NAALADL2: variants seen among roughly 807,000 people sequenced by gnomAD.
NAALADL2 encodes inactive N-acetylated-alpha-linked acidic dipeptidase-like protein 2.
A neutral mutation model predicts 87.2 loss-of-function variants in NAALADL2; 76 were observed. That is an observed-to-expected ratio of 0.87 (90% CI 0.72 to 1.05). NAALADL2 has a LOEUF of 1.05. Ranked by LOEUF, NAALADL2 falls within the 50% of genes least tolerant of loss-of-function variation. NAALADL2 has a pLI of 0.00. For missense variants in NAALADL2, 1,089 were observed against 945.8 expected, an observed-to-expected ratio of 1.15 and a Z score of -1.99; for synonymous variants, 354 against 331.0, an observed-to-expected ratio of 1.07 and a Z score of -0.75.
At chr3:174,967,978 T>C (rs759879335) in intron 1 of NAALADL2, among the ~76,000 whole-genome samples, 6 of 152,230 alleles carry the variant, frequency 3.9e-5, no homozygotes, top group Non-Finnish European at 7.3e-5. Context: ...CTTTTGTCTA[T>C]AGATAATTTT....
intron 4 of NAALADL2, among the ~76,000 whole-genome samples, chr3:175,274,047 T>C (rs2110032438): frequency 6.6e-6 from 1 of 152,306 alleles, no homozygotes; most frequent in East Asian, 1.9e-4. Flanking sequence ...ATTAATCTGT[T>C]CTCATACTGC....
chr3:175,056,043 C>T (rs1190582668), intron 1 of NAALADL2, among the ~76,000 whole-genome samples: 1 of 152,162 alleles, frequency 6.6e-6, no homozygotes, highest in Non-Finnish European at 1.5e-5. Context: ...TTGCTGAATT[C>T]CTGCCTGAAT....
chr3:175,549,710 T>C (rs747349841), intron 9 of NAALADL2, among the ~76,000 whole-genome samples: 7 of 152,014 alleles, frequency 4.6e-5, no homozygotes, highest in Non-Finnish European at 1.0e-4. Context: ...ATGTTTATTA[T>C]ATGTTAAATG....
chr3:174,792,708 G>C (rs1402125002), intron 3 of NAALADL2, among the ~76,000 whole-genome samples: 1 of 152,074 alleles, frequency 6.6e-6, no homozygotes, highest in Non-Finnish European at 1.5e-5. Context: ...ATTTGTTTGA[G>C]ATACATTCTT....
At chr3:174,952,579 A>G (rs1404778525) in intron 1 of NAALADL2, among the ~76,000 whole-genome samples, 1 of 152,090 alleles carries the variant, frequency 6.6e-6, no homozygotes, top group East Asian at 1.9e-4. Flanking sequence ...ACCTCAGTCT[A>G]TTGAGGAAGG....
intron 2 of NAALADL2, among the ~76,000 whole-genome samples, chr3:175,194,069 G>A (rs1416034278): frequency 1.3e-5 from 2 of 151,948 alleles, no homozygotes; most frequent in Admixed American, 1.3e-4. Flanking sequence ...AAACTGAAGT[G>A]CAGAATGTCA....
chr3:174,724,761 T>C (rs1426101717), intron 2 of NAALADL2, among the ~76,000 whole-genome samples: 1 of 152,214 alleles, frequency 6.6e-6, no homozygotes, highest in Non-Finnish European at 1.5e-5. Flanking sequence ...ATACTTCTGA[T>C]GGAATAGTAG....
chr3:175,353,492 G>T (rs891022331), intron 5 of NAALADL2, among the ~76,000 whole-genome samples: 2 of 152,128 alleles, frequency 1.3e-5, no homozygotes, highest in African/African-American at 4.8e-5. Flanking sequence ...ATTATGAATT[G>T]CTACTGCATT....
chr3:174,837,977 G>C (rs1723543926), intron 3 of NAALADL2, among the ~76,000 whole-genome samples: 2 of 136,056 alleles, frequency 1.5e-5, no homozygotes, highest in South Asian at 5.0e-4. Context: ...TATGAAGCCA[G>C]TATCACCCTA....
At chr3:174,816,418 G>GCGCA (rs3040105) in intron 3 of NAALADL2, among the ~76,000 whole-genome samples, 4 of 113,334 alleles carry the variant, frequency 3.5e-5, no homozygotes, top group African/African-American at 1.2e-4. Context: ...GTGTGCGTGT[G>GCGCA]TGTGTGTGTG....
At chr3:175,458,795 A>G (rs1324419242) in intron 6 of NAALADL2, among the ~76,000 whole-genome samples, 1 of 152,048 alleles carries the variant, frequency 6.6e-6, no homozygotes. Flanking sequence ...TGGTACATAC[A>G]GGCTATTCAC....
intron 1 of NAALADL2, among the ~76,000 whole-genome samples, chr3:174,902,242 C>G (rs1225966797): frequency 3.3e-5 from 5 of 152,250 alleles, no homozygotes; most frequent in African/African-American, 1.2e-4. Context: ...TAACCTATGT[C>G]TGTCTTTTTG....
intron 3 of NAALADL2, among the ~76,000 whole-genome samples, chr3:175,246,080 G>GA (rs1747921574): frequency 1.3e-5 from 2 of 152,112 alleles, no homozygotes; most frequent in Admixed American, 6.6e-5. Flanking sequence ...ACCTAAAACA[G>GA]AAGCACCAAT....
At chr3:175,798,705 A>T (rs1272470414) in intron 13 of NAALADL2, among the ~76,000 whole-genome samples, 1 of 151,928 alleles carries the variant, frequency 6.6e-6, no homozygotes, top group African/African-American at 2.4e-5. Context: ...TTTTTTTAGG[A>T]TGTATTTTTA....
intron 3 of NAALADL2, among the ~76,000 whole-genome samples, chr3:174,747,593 G>C: frequency 8.0e-6 from 1 of 124,652 alleles, no homozygotes; most frequent in Admixed American, 1.0e-4. Context: ...TTGCACTCCA[G>C]CCTGGGTGAC....
chr3:175,411,942 G>A (rs913354652), intron 5 of NAALADL2, among the ~76,000 whole-genome samples: 1 of 151,964 alleles, frequency 6.6e-6, no homozygotes, highest in African/African-American at 2.4e-5. Flanking sequence ...AAGGGCTAGA[G>A]TCAAATTATG....
At chr3:175,544,949 A>G (rs926631954) in intron 9 of NAALADL2, among the ~76,000 whole-genome samples, 6 of 152,200 alleles carry the variant, frequency 3.9e-5, no homozygotes, top group Non-Finnish European at 7.4e-5. Flanking sequence ...TTAATACCCA[A>G]GGACAAATGT....
chr3:175,569,823 T>TAC (rs34518577), intron 9 of NAALADL2, among the ~76,000 whole-genome samples: 3,369 of 147,468 alleles, frequency 0.023, 70 homozygotes, highest in African/African-American at 0.063. Context: ...GACCAACTAA[T>TAC]ACACACACAC....
At chr3:175,773,461 G>C (rs1749775887) in intron 13 of NAALADL2, 1 of 151,952 alleles carries the variant, frequency 6.6e-6, no homozygotes, top group Non-Finnish European at 1.5e-5. Context: ...CCTCTCTTAA[G>C]GGACAGTCTG....
Sources: allele counts gnomAD v4.1 joint callset (sites outside exome capture counted in the v4.1 genomes callset), GRCh38; gene constraint gnomAD v4.1.1; transcripts MANE v1.5; gene names NCBI Gene and HGNC (gene_info 2026-07-23, HGNC 2026-07-21).